Variants in IL4I1 observed in about 807,000 individuals in gnomAD.
The protein encoded by IL4I1 is L-amino-acid oxidase.
IL4I1 carries 24 observed loss-of-function variants against 29.7 expected under a neutral mutation model. The observed-to-expected ratio is 0.81, with a 90% CI of 0.59 to 1.14. The LOEUF is 1.14. IL4I1 is among the 50% of genes most tolerant of loss of function. The pLI is 0.00. For synonymous variants in IL4I1, 371 were observed against 352.5 expected (o/e 1.05, Z -0.59); for missense variants, 686 against 785.6 (o/e 0.87, Z 1.52).
intron 5 of IL4I1, among the ~76,000 whole-genome samples, chr19:49,893,654 G>C (rs1301399673): frequency 5.3e-5 from 8 of 152,086 alleles, no homozygotes; most frequent in Non-Finnish European, 8.8e-5. Context: ...GCCAAAAGCT[G>C]ATGCAGCTTT....
chr19:49,908,542 G>A, intron 2 of IL4I1: 2 of 1,614,140 alleles, frequency 1.2e-6, no homozygotes, highest in Non-Finnish European at 1.7e-6. Flanking sequence ...CGTGCTGCAG[G>A]TAGATGGTCC....
rs184641109 is a variant in IL4I1, at chr19:49,911,963, T to C, written c.-227-7642A>G. Reference sequence around the variant, plus strand: ...ACTGCTGAGCCACCTCAAGCCGGTGTGTTGTTACTGGCAGCTAAAGGCATC... The same window carrying C: ...ACTGCTGAGCCACCTCAAGCCGGTGCGTTGTTACTGGCAGCTAAAGGCATC... On this transcript the variant is annotated intron_variant, in intron 2 of 9. Coordinates refer to the IL4I1 transcript ENST00000341114. Among the ~76,000 whole-genome samples the C allele has an allele frequency of 3.9e-3, 590 of 152,312 alleles. 7 individuals are homozygous for C. Among genetic ancestry groups the C allele is most frequent in the African/African-American group, 0.013 (538 of 41,562 alleles).
chr19:49,897,112 T>C (rs1211637057), upstream of IL4I1, among the ~76,000 whole-genome samples: 5 of 152,222 alleles, frequency 3.3e-5, no homozygotes, highest in African/African-American at 1.2e-4. Context: ...CAGAAATAGA[T>C]GCTCAGGTAA....
intron 2 of IL4I1, among the ~76,000 whole-genome samples, chr19:49,924,119 C>A (rs1017718835): frequency 6.6e-6 from 1 of 150,936 alleles, no homozygotes; most frequent in Non-Finnish European, 1.5e-5. Flanking sequence ...AGGGTCAGGG[C>A]TTGGAGACCT....
intron 1 of IL4I1, 71 bp downstream of exon 1, chr19:49,896,764 C>T: frequency 1.1e-6 from 1 of 914,176 alleles, no homozygotes; most frequent in Non-Finnish European, 1.3e-6. Context: ...TCCCCAGCTC[C>T]TGACTGCTTC....
chr19:49,901,122 G>C (rs1370403326), upstream of IL4I1, among the ~76,000 whole-genome samples: 2 of 152,334 alleles, frequency 1.3e-5, no homozygotes, highest in East Asian at 3.9e-4. Flanking sequence ...GCTCACTCCT[G>C]TCATCACAGC....
At chr19:49,897,537 C>T (rs896516443), upstream of IL4I1, among the ~76,000 whole-genome samples, 5 of 152,202 alleles carry the variant, frequency 3.3e-5, no homozygotes, top group Non-Finnish European at 7.3e-5. Flanking sequence ...AGTTCTGTGG[C>T]CGGAACCTGG....
chr19:49,906,249 C>T (rs751229109), intron 2 of IL4I1, among the ~76,000 whole-genome samples: 28 of 152,168 alleles, frequency 1.8e-4, no homozygotes, highest in Non-Finnish European at 3.8e-4. Context: ...TGCTCTGTCG[C>T]CCAGGCTGGA....
At position 49,890,565 on chromosome 19, in the gene IL4I1, G is replaced by C; in HGVS notation, c.809C>G (p.Pro270Arg). The C allele has an allele frequency of 6.3e-7, 1 of 1,590,988 alleles. No individual in the cohort carries two copies. The highest frequency in any genetic ancestry group is 8.5e-7 in the Non-Finnish European group (1 of 1,171,832). Residue 270 changes from proline (P) to arginine (R), a missense_variant, in exon 8 of 8, where the codon CCG (proline) becomes CGG (arginine). Coordinates refer to ENST00000391826, the MANE Select transcript of IL4I1 (RefSeq NM_152899.2). ...GGACAGCGAGCTCAGCAGCGCGCGC[G>C]GCAGCAGGTCCCAGCCACCCACGAT... ...SRIVGGWDLLPRALLSSLSGL... is the reference protein window; with the variant it reads ...SRIVGGWDLLRRALLSSLSGL...
intron 2 of IL4I1, among the ~76,000 whole-genome samples, chr19:49,920,502 G>A (rs1203385814): frequency 6.6e-6 from 1 of 152,210 alleles, no homozygotes; most frequent in Non-Finnish European, 1.5e-5. Flanking sequence ...GGATTATACA[G>A]TATCTCAATA....
rs1418061045 is a variant in IL4I1 at position 49,909,367 on chromosome 19, G to C, written c.-227-5046C>G. 2.5e-6 allele frequency: 4 copies of C among 1,613,720 alleles called. No homozygotes were observed. In the Admixed American group the frequency reaches 6.7e-5, roughly 27 times the overall value. The stretch of plus-strand genomic sequence containing the variant: ...CAGATGTGGTAGCTGGAGCCACAGA[G>C]GTGGTGGAGGGGCCAAACACAAAGC... On this transcript the variant is annotated intron_variant, in intron 2 of 9. Coordinates refer to the IL4I1 transcript ENST00000341114.
chr19:49,910,689 G>A (rs1455546991), intron 2 of IL4I1, among the ~76,000 whole-genome samples: 1 of 144,782 alleles, frequency 6.9e-6, no homozygotes, highest in Non-Finnish European at 1.5e-5. Flanking sequence ...GACATCACGG[G>A]AGACCATGAG....
Position 49,890,558 on chromosome 19 carries a change from C to T in IL4I1, c.816G>A (p.Ala272=), listed in dbSNP as rs773209071. Reference sequence around the variant, plus strand: ...CAAGCCCGGACAGCGAGCTCAGCAGCGCGCGCGGCAGCAGGTCCCAGCCAC... The same window carrying T: ...CAAGCCCGGACAGCGAGCTCAGCAGTGCGCGCGGCAGCAGGTCCCAGCCAC... ...IVGGWDLLPR[A]LLSSLSGLVL... Residue 272 remains alanine (A), a synonymous_variant, in exon 8 of 8, where the codon GCG becomes GCA. Coordinates refer to ENST00000391826, the MANE Select transcript of IL4I1 (RefSeq NM_152899.2). The T allele has an allele frequency of 6.3e-7, 1 of 1,594,450 alleles. No individual in the cohort carries two copies.
At chr19:49,893,472 A>G (rs1310253744) in intron 5 of IL4I1, among the ~76,000 whole-genome samples, 5 of 151,628 alleles carry the variant, frequency 3.3e-5, no homozygotes, top group Non-Finnish European at 1.5e-5. Context: ...AGATGGGGGC[A>G]CCGGGAGGAG....
chr19:49,904,071 C>T (rs574824311), intron 3 of IL4I1: 1 of 151,986 alleles, frequency 6.6e-6, no homozygotes, highest in African/African-American at 2.4e-5. Context: ...CTCCAGACCC[C>T]AAGTAATCTA....
At chr19:49,893,985 CA>C (rs996597872) in intron 5 of IL4I1, among the ~76,000 whole-genome samples, 91 of 19,666 alleles carry the variant, frequency 4.6e-3, no homozygotes, top group Middle Eastern at 0.026. Context: ...GACTCCATCT[CA>C]AAAAAAAAAA....
At chr19:49,926,568 T>G (rs1211461379) in intron 2 of IL4I1, among the ~76,000 whole-genome samples, 2 of 152,100 alleles carry the variant, frequency 1.3e-5, no homozygotes, top group Non-Finnish European at 2.9e-5. Flanking sequence ...CCAGTCCCCA[T>G]GTACAATCTA....
chr19:49,891,495 T>A, intron 5 of IL4I1, 22 bp from the exon 6 acceptor site: 1 of 1,612,370 alleles, frequency 6.2e-7, no homozygotes, highest in Non-Finnish European at 8.5e-7. Flanking sequence ...GAAGCAGACA[T>A]GGTGCTGAGC....
chr19:49,919,443 C>T (rs2075710745), intron 2 of IL4I1, among the ~76,000 whole-genome samples: 1 of 152,188 alleles, frequency 6.6e-6, no homozygotes, highest in South Asian at 2.1e-4. Flanking sequence ...GCTTATTCTC[C>T]TCACCCGGGT....
Sources: gnomAD v4.1 joint callset for allele counts (sites outside exome capture counted in the v4.1 genomes callset) on GRCh38, gnomAD v4.1.1 for gene constraint, MANE v1.5 for transcripts, NCBI Gene and HGNC (gene_info 2026-07-23, HGNC 2026-07-21) for gene names.